SGSM2: variants seen among roughly 807,000 people sequenced by gnomAD.
SGSM2 encodes RUN and TBC1 domain containing 1.
A neutral mutation model predicts 126.6 loss-of-function variants in SGSM2; 89 were observed. The observed-to-expected ratio is 0.70, with a 90% CI of 0.59 to 0.84. SGSM2 has a LOEUF of 0.84. Ranked by LOEUF, SGSM2 falls within the 40% of genes least tolerant of loss-of-function variation. SGSM2 has a pLI of 0.00. For synonymous variants in SGSM2, 614 were observed against 574.3 expected (o/e 1.07, Z -0.99); for missense variants, 1,404 against 1,416.6 (o/e 0.99, Z 0.14).
chr17:2,380,213 G>C lies in SGSM2; in HGVS notation c.*693G>C. ...CCCCGGCCTTGTACAGTGTACCTCTGTGTATCTGTACAGCCTCGCTCCTGC... is the reference window on the plus strand; with the variant it reads ...CCCCGGCCTTGTACAGTGTACCTCTCTGTATCTGTACAGCCTCGCTCCTGC... On this transcript the variant is annotated 3_prime_UTR_variant, in exon 24 of 24. Transcript: ENST00000268989. The C allele has an allele frequency of 6.5e-7, 1 of 1,534,798 alleles. No homozygotes were observed. Among genetic ancestry groups the C allele is most frequent in the Non-Finnish European group, 8.7e-7 (1 of 1,145,912 alleles).
chr17:2,348,072 G>A (rs2064682576), intron 2 of SGSM2, among the ~76,000 whole-genome samples: 1 of 152,184 alleles, frequency 6.6e-6, no homozygotes, highest in Admixed American at 6.6e-5. Context: ...GTGGAGCCGG[G>A]AATAACATCA....
chr17:2,379,655 T>C lies in SGSM2; in HGVS notation c.*135T>C. ...CTAACAAAGCGGTTGTGAGCCTGGA[T>C]CCGACTCCCGGCAGTGCTGACCCTG... On this transcript the variant is annotated 3_prime_UTR_variant, in exon 24 of 24. Transcript: ENST00000268989. 1.4e-6 allele frequency: 2 copies of C among 1,462,294 alleles called. No homozygotes were observed. Among genetic ancestry groups the C allele is most frequent in the Non-Finnish European group, 1.8e-6 (2 of 1,101,988 alleles). 90.6% of individuals were successfully genotyped at this position (1,462,294 alleles called of 1,614,324 possible).
chr17:2,376,077 C>T (rs2066132488), intron 18 of SGSM2, 60 bp from the exon 19 acceptor site: 5 of 1,609,856 alleles, frequency 3.1e-6, no homozygotes, highest in Non-Finnish European at 3.4e-6. Flanking sequence ...GCGTCACCTC[C>T]TGCCCCCAGC....
Position 2,375,511 on chromosome 17 carries a change from A to G in SGSM2, c.2120A>G (p.Asp707Gly), listed in dbSNP as rs1468787646. The part of the protein sequence containing the change: ...ISNDVFISVD[D>G]LEPPEPQDPE... ...CCCCAGGTGTTTATCTCAGTGGATG[A>G]TCTGGAACCCCCGGAGCCCCAGGAC... The change falls in exon 18 of 24, where the codon GAT becomes GGT. Residue 707 changes from aspartate (D) to glycine (G), a missense_variant. By Grantham distance (94) the Asp-to-Gly change is moderately conservative. Transcript: ENST00000268989. The G allele has an allele frequency of 6.2e-7, 1 of 1,610,818 alleles. No individual in the cohort carries two copies. Among genetic ancestry groups the G allele is most frequent in the Admixed American group, 1.7e-5 (1 of 59,844 alleles).
At chr17:2,338,889 T>G (rs1217399357) in intron 1 of SGSM2, among the ~76,000 whole-genome samples, 2 of 150,440 alleles carry the variant, frequency 1.3e-5, no homozygotes, top group Non-Finnish European at 3.0e-5. Context: ...TGAAACCCCG[T>G]CTCTACTAAA....
Position 2,372,735 on chromosome 17 carries a change from C to T in SGSM2, c.1789-218C>T, listed in dbSNP as rs137924905. On this transcript the variant is annotated intron_variant, in intron 15 of 23. Coordinates refer to ENST00000268989, the MANE Select transcript of SGSM2 (RefSeq NM_014853.3). The surrounding 1 kb of genome is among the most constrained non-coding windows in gnomAD (Gnocchi z 6.0). ...GGACAAAGCTTTGCCTCTCTCCGGG[C>T]GCCATTTCCTGCCCCTTAAGGAAGG... The T allele has an allele frequency of 3.7e-3, 2,999 of 806,142 alleles. 69 individuals carry two copies. In the African/African-American group the frequency reaches 0.047, roughly 13 times the overall value. 49.9% of individuals were successfully genotyped at this position (806,142 alleles called of 1,614,324 possible).
intron 17 of SGSM2, 185 bp downstream of exon 17, chr17:2,373,698 G>C (rs2065994007): frequency 1.7e-6 from 1 of 596,806 alleles, no homozygotes; most frequent in South Asian, 2.1e-5. Flanking sequence ...CTACTTCTCT[G>C]GGTATTGTAG....
In SGSM2 at chr17:2,340,463, G is replaced by A. The variant is rs570509429; in HGVS notation, c.57+2718G>A. On this transcript the variant is annotated intron_variant, in intron 1 of 23. Transcript: ENST00000268989. The stretch of plus-strand genomic sequence containing the variant: ...CAGTGCTTAGAAACTGGACTATACT[G>A]CTCCAAAAGTGATTCCTAAGAAAAT... Among the ~76,000 whole-genome samples the A allele has an allele frequency of 2.0e-5, 3 of 152,258 alleles. No homozygotes were observed. In the East Asian group the frequency reaches 5.8e-4, roughly 29 times the overall value.
At chr17:2,345,298 C>T (rs2064546199) in intron 2 of SGSM2, among the ~76,000 whole-genome samples, 1 of 151,744 alleles carries the variant, frequency 6.6e-6, no homozygotes, top group South Asian at 2.1e-4. Flanking sequence ...CCCGTCTCTA[C>T]TAAAAATACA....
chr17:2,346,677 C>T (rs758026686), intron 2 of SGSM2, among the ~76,000 whole-genome samples: 2 of 151,766 alleles, frequency 1.3e-5, no homozygotes, highest in South Asian at 2.1e-4. Flanking sequence ...ACCAGTCTGG[C>T]GGCAGCAGGG....
chr17:2,338,031 T>G (rs1597287424), intron 1 of SGSM2, among the ~76,000 whole-genome samples: 1 of 150,624 alleles, frequency 6.6e-6, no homozygotes, highest in Non-Finnish European at 1.5e-5. Context: ...GGGGGAGGGG[T>G]GGCGGCGATG....
chr17:2,379,947 A>C lies in SGSM2; in HGVS notation c.*427A>C. On this transcript the variant is annotated 3_prime_UTR_variant, in exon 24 of 24. Coordinates refer to ENST00000268989, the MANE Select transcript of SGSM2 (RefSeq NM_014853.3). ...GAGGCTCTGTGCTGTGTCCCTTCTG[A>C]GGGTCCCTTTGCAGTCCCAGTATAT... is the stretch of plus-strand genomic sequence containing the variant. 1 of 1,328,632 alleles carries C rather than the reference A, an allele frequency of 7.5e-7. No homozygotes were observed. The highest frequency in any genetic ancestry group is 9.6e-7 in the Non-Finnish European group (1 of 1,038,046). 82.3% of individuals were successfully genotyped at this position (1,328,632 alleles called of 1,614,324 possible).
rs754209668 is a variant in SGSM2 at position 2,375,756 on chromosome 17, G to A, written c.2365G>A (p.Gly789Arg). 3 of 1,604,054 alleles carry A rather than the reference G, an allele frequency of 1.9e-6. 1 individual carries two copies. In the South Asian group the frequency reaches 3.3e-5, roughly 18 times the overall value. ...CGGCGGTGGGGAGGAAGGCTCCAGT[G>A]GGCCCGGCCCTGCAGCTCACACTTT... Reference protein sequence around the residue: ...EDGGGEEGSSGPGPAAHTLRE... With the variant: ...EDGGGEEGSSRPGPAAHTLRE... The change falls in exon 18 of 24, where the codon GGG becomes AGG. Residue 789 changes from glycine (G) to arginine (R), a missense_variant. Physicochemically the swap from Gly to Arg is moderately radical, Grantham distance 125. Coordinates refer to ENST00000268989, the MANE Select transcript of SGSM2 (RefSeq NM_014853.3).
In SGSM2 at chr17:2,379,118, C is replaced by A. The variant is rs746216434; in HGVS notation, c.2982C>A (p.Phe994Leu). Residue 994 changes from phenylalanine to leucine, a missense_variant, in exon 23 of 24, where the codon TTC becomes TTA. Coordinates refer to ENST00000268989, the MANE Select transcript of SGSM2 (RefSeq NM_014853.3). ...TCTCATCGGAGCACTTTGTCCTGTT[C>A]ATCGCCCTCGCCCTGGTGGAGGCCT... ...RHISSEHFVL[F>L]IALALVEAYR... 7 of 1,614,104 alleles carry A rather than the reference C, an allele frequency of 4.3e-6. No individual in the cohort carries two copies. In the Admixed American group the frequency reaches 5.0e-5, roughly 12 times the overall value.
intron 1 of SGSM2, among the ~76,000 whole-genome samples, chr17:2,340,781 T>C (rs955510202): frequency 2.6e-5 from 4 of 151,976 alleles, no homozygotes; most frequent in African/African-American, 7.2e-5. Context: ...AGACGGGGTT[T>C]CACCATGTTA....
chr17:2,342,702 G>A (rs905111255), intron 1 of SGSM2, among the ~76,000 whole-genome samples: 3 of 151,832 alleles, frequency 2.0e-5, no homozygotes, highest in Non-Finnish European at 2.9e-5. Flanking sequence ...AAATGACTGA[G>A]CACAGTGGCT....
At chr17:2,371,651 C>A (rs182261217) in intron 13 of SGSM2, 7 of 541,138 alleles carry the variant, frequency 1.3e-5, no homozygotes, top group African/African-American at 1.2e-4. Flanking sequence ...ATGCCACTTG[C>A]TGCCTGCAGT....
chr17:2,377,982 A>C (rs1410159055), intron 22 of SGSM2, 29 bp downstream of exon 22: 1 of 1,401,148 alleles, frequency 7.1e-7, no homozygotes, highest in Non-Finnish European at 1.0e-6. Flanking sequence ...CATGGGGCTG[A>C]GGTCAGGGAC....
At chr17:2,349,362 G>A (rs1004588626) in intron 2 of SGSM2, among the ~76,000 whole-genome samples, 3 of 127,678 alleles carry the variant, frequency 2.3e-5, no homozygotes, top group African/African-American at 9.1e-5. Flanking sequence ...GCGACAGAGC[G>A]AGACTTGGTC....
Sources: allele counts gnomAD v4.1 joint callset (sites outside exome capture counted in the v4.1 genomes callset), GRCh38; gene constraint gnomAD v4.1.1; non-coding constraint Gnocchi (gnomAD v3.1); transcripts MANE v1.5; gene names NCBI Gene and HGNC (gene_info 2026-07-23, HGNC 2026-07-21).